ROR1: variants seen among roughly 807,000 people sequenced by gnomAD.
The protein encoded by ROR1 is ROR family WNT receptor 1.
A neutral mutation model predicts 78.8 loss-of-function variants in ROR1; 19 were observed. The observed-to-expected ratio is 0.24, with a 90% CI of 0.17 to 0.35. ROR1 has a LOEUF of 0.35. Among genes scored for constraint, ROR1 ranks in the 10% least tolerant of loss-of-function variants. The pLI is 1.00. For synonymous variants in ROR1, 386 were observed against 433.6 expected (o/e 0.89, Z 1.36); for missense variants, 917 against 1,177.8 (o/e 0.78, Z 3.24).
intron 8 of ROR1, among the ~76,000 whole-genome samples, 179 bp from the exon 9 acceptor site, chr1:64,177,249 G>A (rs1321186550): frequency 2.0e-5 from 3 of 152,224 alleles, no homozygotes; most frequent in Admixed American, 2.0e-4. Flanking sequence ...GTGATGGAAA[G>A]TTGTCTATGG....
chr1:64,114,730 C>T (rs189724770), intron 4 of ROR1, among the ~76,000 whole-genome samples: 121 of 152,128 alleles, frequency 8.0e-4, no homozygotes, highest in African/African-American at 2.8e-3. Context: ...AAGTGGTGAA[C>T]GATGAGGGAA....
At chr1:63,970,345 T>C (rs1646109482) in intron 1 of ROR1, among the ~76,000 whole-genome samples, 1 of 152,172 alleles carries the variant, frequency 6.6e-6, no homozygotes, top group Admixed American at 6.5e-5. Context: ...CCCAGTAATA[T>C]GTAATTGTAG....
intron 1 of ROR1, among the ~76,000 whole-genome samples, chr1:63,799,251 T>C (rs1244117932): frequency 2.5e-5 from 2 of 80,228 alleles, no homozygotes; most frequent in Admixed American, 1.9e-4. Context: ...CAGCTTTCAT[T>C]GTGTCATTTC....
chr1:63,833,093 T>C (rs1644998751), intron 1 of ROR1, among the ~76,000 whole-genome samples: 1 of 152,252 alleles, frequency 6.6e-6, no homozygotes, highest in Non-Finnish European at 1.5e-5. Flanking sequence ...TTTTGCATAG[T>C]GTGGTGATTT....
intron 8 of ROR1, among the ~76,000 whole-genome samples, chr1:64,168,252 G>C (rs534956957): frequency 1.3e-5 from 2 of 152,218 alleles, no homozygotes; most frequent in African/African-American, 4.8e-5. Flanking sequence ...CCTGTTCTTT[G>C]GTTTTTCCAT....
intron 2 of ROR1, among the ~76,000 whole-genome samples, chr1:64,040,454 A>G (rs752014473): frequency 3.5e-4 from 53 of 152,332 alleles, no homozygotes; most frequent in Non-Finnish European, 7.2e-4. Context: ...ACCTTCTCAT[A>G]ATAAAAACAC....
At chr1:63,976,967 G>A (rs150827278) in intron 1 of ROR1, among the ~76,000 whole-genome samples, 27 of 152,240 alleles carry the variant, frequency 1.8e-4, no homozygotes, top group East Asian at 1.2e-3. Context: ...TCACAGTTCC[G>A]CATATCTGGG....
chr1:63,824,894 A>G (rs543609814), intron 1 of ROR1, among the ~76,000 whole-genome samples: 91 of 152,306 alleles, frequency 6.0e-4, no homozygotes, highest in Middle Eastern at 3.4e-3. Context: ...ACACTGTTGA[A>G]TCCTGCTTTA....
chr1:63,984,766 G>A (rs531597182), intron 1 of ROR1, among the ~76,000 whole-genome samples: 3 of 152,266 alleles, frequency 2.0e-5, no homozygotes, highest in African/African-American at 7.2e-5. Flanking sequence ...TATTCCATGC[G>A]TTGGATAGCT....
At chr1:63,808,295 T>C (rs139766610) in intron 1 of ROR1, among the ~76,000 whole-genome samples, 1 of 152,296 alleles carries the variant, frequency 6.6e-6, no homozygotes, top group African/African-American at 2.4e-5. Flanking sequence ...TCTTTGACCA[T>C]ATGAATAAAG....
At chr1:64,120,104 G>A (rs946403279) in intron 4 of ROR1, among the ~76,000 whole-genome samples, 7 of 152,184 alleles carry the variant, frequency 4.6e-5, no homozygotes, top group Non-Finnish European at 8.8e-5. Flanking sequence ...TGTGCACTGG[G>A]CCTCCACGTA....
intron 1 of ROR1, among the ~76,000 whole-genome samples, chr1:63,895,960 C>T (rs891439499): frequency 6.6e-6 from 1 of 152,014 alleles, no homozygotes; most frequent in Non-Finnish European, 1.5e-5. Context: ...TTCTGGATAC[C>T]CTCTGTTCAG....
chr1:63,935,288 A>G (rs1645785623), intron 1 of ROR1, among the ~76,000 whole-genome samples: 2 of 152,192 alleles, frequency 1.3e-5, no homozygotes, highest in African/African-American at 4.8e-5. Flanking sequence ...CTGCAAGCCC[A>G]GGAGATCATT....
chr1:63,871,930 TG>T (rs1645253829), intron 1 of ROR1, among the ~76,000 whole-genome samples: 1 of 152,216 alleles, frequency 6.6e-6, no homozygotes, highest in African/African-American at 2.4e-5. Context: ...CTTAACCACT[TG>T]TTTTCTAGTT....
chr1:63,893,266 A>G (rs1176782829), intron 1 of ROR1, among the ~76,000 whole-genome samples: 1 of 152,092 alleles, frequency 6.6e-6, no homozygotes, highest in East Asian at 1.9e-4. Flanking sequence ...CCTGCTACCC[A>G]GTGATGTCAG....
chr1:63,936,459 A>G (rs1334814962), intron 1 of ROR1, among the ~76,000 whole-genome samples: 1 of 152,162 alleles, frequency 6.6e-6, no homozygotes, highest in Non-Finnish European at 1.5e-5. Context: ...CTTACCTTAA[A>G]TGCTTGAAGG....
At chr1:63,781,719 C>T (rs619535) in intron 1 of ROR1, among the ~76,000 whole-genome samples, 46,367 of 152,022 alleles carry the variant, frequency 0.31, 8,576 homozygotes, top group African/African-American at 0.53. Context: ...GCATAGTGAG[C>T]GCTCAGTGAG....
At chr1:64,052,204 A>G (rs1250180302) in intron 4 of ROR1, among the ~76,000 whole-genome samples, 1 of 139,534 alleles carries the variant, frequency 7.2e-6, no homozygotes, top group African/African-American at 2.7e-5. Context: ...TTTTTTTTTC[A>G]ATGGTCTCAC....
chr1:63,881,499 C>A (rs1386952164), intron 1 of ROR1, among the ~76,000 whole-genome samples: 1 of 152,142 alleles, frequency 6.6e-6, no homozygotes, highest in Non-Finnish European at 1.5e-5. Flanking sequence ...TTTCAGGAAG[C>A]TCTGCTCAGA....
Sources: gnomAD v4.1 joint callset for allele counts (sites outside exome capture counted in the v4.1 genomes callset) on GRCh38, gnomAD v4.1.1 for gene constraint, MANE v1.5 for transcripts, NCBI Gene and HGNC (gene_info 2026-07-23, HGNC 2026-07-21) for gene names.